Variants in NAPEPLD observed in about 807,000 individuals in gnomAD.
The protein encoded by NAPEPLD is N-acyl-phosphatidylethanolamine-hydrolyzing phospholipase D.
NAPEPLD carries 23 observed loss-of-function variants against 38.1 expected under a neutral mutation model. The observed-to-expected ratio is 0.60, with a 90% CI of 0.43 to 0.86. The LOEUF (loss-of-function observed/expected upper bound fraction) is 0.86. Among genes scored for constraint, NAPEPLD ranks in the 40% least tolerant of loss-of-function variants. The probability of loss-of-function intolerance (pLI) is 0.00; values close to 1 mark genes in which losing one functional copy is unlikely to be tolerated. For synonymous variants in NAPEPLD, 147 were observed against 162.0 expected (o/e 0.91, Z 0.71); for missense variants, 411 against 476.8 (o/e 0.86, Z 1.28).
rs552453373 is a variant in NAPEPLD, at chr7:103,141,658, C to G, written c.-17+7153G>C. On this transcript the variant is annotated intron_variant, in intron 1 of 4. Coordinates refer to ENST00000465647, the MANE Select transcript of NAPEPLD (RefSeq NM_001122838.3). ...GCAGAATCCTCATTCTCCTCATCCA[C>G]GTGACCTTCTCTGGCATTCGGGCAT... 6.6e-6 allele frequency: 6 copies of G among 912,918 alleles called. No homozygotes were observed. In the African/African-American group the frequency reaches 9.7e-5, roughly 15 times the overall value. 56.6% of individuals were successfully genotyped at this position (912,918 alleles called of 1,614,324 possible). A position where few individuals can be genotyped will look rare whatever the true frequency, so the allele number is the denominator to read the frequency against.
intron 1 of NAPEPLD, among the ~76,000 whole-genome samples, chr7:103,129,994 A>G (rs2129530914): frequency 6.6e-6 from 1 of 152,342 alleles, no homozygotes; most frequent in South Asian, 2.1e-4. Context: ...ATAGGACTCC[A>G]GATACACAAA....
chr7:103,146,865 T>C (rs1424825281), intron 1 of NAPEPLD, among the ~76,000 whole-genome samples: 3 of 152,220 alleles, frequency 2.0e-5, no homozygotes, highest in African/African-American at 7.2e-5. Flanking sequence ...TCCCAGGCTC[T>C]TGGTGTCCTA....
intron 1 of NAPEPLD, chr7:103,141,237 G>GTTGTT (rs370514767): frequency 8.8e-5 from 7 of 79,132 alleles, no homozygotes; most frequent in African/African-American, 3.0e-4. Flanking sequence ...TACCTGTGGA[G>GTTGTT]TTGTTTTTTT....
At chr7:103,117,730 T>C (rs898635081) in intron 3 of NAPEPLD, among the ~76,000 whole-genome samples, 2 of 152,216 alleles carry the variant, frequency 1.3e-5, no homozygotes, top group Admixed American at 1.3e-4. Context: ...CCCATCTTAG[T>C]TGTTTCCTGT....
rs1802492176 is a variant in NAPEPLD, at chr7:103,102,109, A to G, written c.*1320T>C. 1 of 151,786 alleles carries G rather than the reference A, an allele frequency of 6.6e-6. No individual in the cohort carries two copies. Among genetic ancestry groups the G allele is most frequent in the Non-Finnish European group, 1.5e-5 (1 of 67,964 alleles). 9.4% of individuals were successfully genotyped at this position (151,786 alleles called of 1,614,324 possible). A position where few individuals can be genotyped will look rare whatever the true frequency, so the allele number is the denominator to read the frequency against. On this transcript the variant is annotated 3_prime_UTR_variant, in exon 5 of 5. Transcript: ENST00000465647. ...ACATCTGAATCAGGTAAAAAAAATT[A>G]TAAATCTGATTGATATATTTAGAGC...
intron 2 of NAPEPLD, 125 bp downstream of exon 2, chr7:103,128,358 G>C: frequency 8.8e-7 from 1 of 1,142,546 alleles, no homozygotes; most frequent in South Asian, 1.5e-5. Context: ...TTAGGGCCTA[G>C]GTTACACCTA....
chr7:103,129,848 C>T (rs1198505509), intron 1 of NAPEPLD, among the ~76,000 whole-genome samples: 1 of 152,136 alleles, frequency 6.6e-6, no homozygotes, highest in East Asian at 1.9e-4. Flanking sequence ...AAGTAAGGCA[C>T]TTGGAAACAT....
chr7:103,119,609 A>G lies in NAPEPLD; in HGVS notation c.909T>C (p.Leu303=), dbSNP rs1482188378. The change falls in exon 3 of 5, where the codon CTT becomes CTC. Residue 303 remains leucine, a synonymous_variant. Coordinates refer to ENST00000465647, the MANE Select transcript of NAPEPLD (RefSeq NM_001122838.3). The stretch of plus-strand genomic sequence containing the variant: ...CATAAGCTCCGATGGGAATAGCTGC[A>G]AGGTCAAAAGGTCCAAATCTTTTTC... ...EIGKRFGPFD[L]AAIPIGAYEP... The G allele has an allele frequency of 3.5e-5, 56 of 1,614,050 alleles. No individual in the cohort carries two copies. Among genetic ancestry groups the G allele is most frequent in the Non-Finnish European group, 4.7e-5 (55 of 1,180,032 alleles).
intron 3 of NAPEPLD, 139 bp downstream of exon 3, chr7:103,119,438 C>G: frequency 1.4e-6 from 1 of 715,438 alleles, no homozygotes; most frequent in South Asian, 4.1e-5. Context: ...TGAATCTGAC[C>G]TACCAACCCC....
At chr7:103,136,808 ATTTTC>A (rs1810178351) in intron 1 of NAPEPLD, among the ~76,000 whole-genome samples, 1 of 152,158 alleles carries the variant, frequency 6.6e-6, no homozygotes, top group Non-Finnish European at 1.5e-5. Context: ...AAAAAAATGT[ATTTTC>A]TTTTGTTAAA....
intron 3 of NAPEPLD, among the ~76,000 whole-genome samples, chr7:103,115,750 G>A (rs1376203473): frequency 6.6e-6 from 1 of 152,188 alleles, no homozygotes; most frequent in Non-Finnish European, 1.5e-5. Context: ...TAGGCAGTAA[G>A]TGCACTCAGA....
intron 1 of NAPEPLD, among the ~76,000 whole-genome samples, 172 bp from the exon 2 acceptor site, chr7:103,128,964 C>A (rs1808387705): frequency 6.6e-6 from 1 of 152,182 alleles, no homozygotes; most frequent in African/African-American, 2.4e-5. Flanking sequence ...AGTATTACTT[C>A]TTGCTAAATA....
In NAPEPLD at chr7:103,103,369, T is replaced by C. The variant is rs1399245998; in HGVS notation, c.*60A>G. On this transcript the variant is annotated 3_prime_UTR_variant, in exon 5 of 5. Transcript: ENST00000465647. ...AATATTCATGAATTTCTAAGTCTTTTCATTTGTTTTTAAACTTAGATGATG... is the reference window on the plus strand; with the variant it reads ...AATATTCATGAATTTCTAAGTCTTTCCATTTGTTTTTAAACTTAGATGATG... The C allele has an allele frequency of 2.0e-6, 3 of 1,481,516 alleles. No individual in the cohort carries two copies. In the African/African-American group the frequency reaches 4.3e-5, roughly 21 times the overall value. The allele number at this position is 1,481,516 out of a possible 1,614,324, so 91.8% of individuals were successfully genotyped here.
At chr7:103,149,483 G>A, upstream of NAPEPLD, 1 of 1,263,890 alleles carries the variant, frequency 7.9e-7, no homozygotes, top group Non-Finnish European at 1.0e-6. Flanking sequence ...CCTCGCCATC[G>A]TTGGGGCGAG....
At chr7:103,130,981 C>T (rs1349696351) in intron 1 of NAPEPLD, among the ~76,000 whole-genome samples, 1 of 152,126 alleles carries the variant, frequency 6.6e-6, no homozygotes, top group African/African-American at 2.4e-5. Context: ...AAGGACTTTA[C>T]AAAGAGCAGA....
At chr7:103,149,585 AGATGGCCGCCCCTGTGGGCCGGGGCGCC>A, upstream of NAPEPLD, 1 of 932,680 alleles carries the variant, frequency 1.1e-6, no homozygotes, top group Non-Finnish European at 1.4e-6. Flanking sequence ...GCCCTTACCA[AGATGGCCGCCCCTGTGGGCCGGGGCGCC>A]GAAGCCATCT....
At chr7:103,103,994 A>G (rs1459779772) in intron 4 of NAPEPLD, among the ~76,000 whole-genome samples, 1 of 152,158 alleles carries the variant, frequency 6.6e-6, no homozygotes, top group Non-Finnish European at 1.5e-5. Context: ...GTTTTGCTGA[A>G]GAAGGGTTGT....
chr7:103,112,059 C>A (rs1362715993), intron 4 of NAPEPLD, among the ~76,000 whole-genome samples: 2 of 151,702 alleles, frequency 1.3e-5, no homozygotes, highest in East Asian at 1.9e-4. Flanking sequence ...TATTGAGATA[C>A]CATCTTATGC....
intron 4 of NAPEPLD, among the ~76,000 whole-genome samples, chr7:103,113,342 A>G (rs1323601848): frequency 6.6e-6 from 1 of 152,184 alleles, no homozygotes; most frequent in Non-Finnish European, 1.5e-5. Flanking sequence ...GAATTGCTGC[A>G]TTGTGGCTCA....
Sources: allele counts gnomAD v4.1 joint callset (sites outside exome capture counted in the v4.1 genomes callset), GRCh38; gene constraint gnomAD v4.1.1; transcripts MANE v1.5; gene names NCBI Gene and HGNC (gene_info 2026-07-23, HGNC 2026-07-21).